Variants in DOCK9 observed in about 807,000 individuals in gnomAD.
DOCK9 encodes the protein dedicator of cytokinesis 9, also known as dedicator of cytokinesis protein 9.
A neutral mutation model predicts 263.3 loss-of-function variants in DOCK9; 89 were observed. That is an observed-to-expected ratio of 0.34 (90% CI 0.28 to 0.40). The LOEUF (loss-of-function observed/expected upper bound fraction) is 0.40. DOCK9 is among the 10% of genes least tolerant of loss of function. The pLI is 1.00. For synonymous variants in DOCK9, 976 were observed against 973.1 expected, an observed-to-expected ratio of 1.00 and a Z score of -0.06; for missense variants, 2,140 against 2,603.4, an observed-to-expected ratio of 0.82 and a Z score of 3.87.
intron 1 of DOCK9, among the ~76,000 whole-genome samples, chr13:99,056,893 A>G (rs1284580533): frequency 1.3e-5 from 2 of 152,206 alleles, no homozygotes; most frequent in Non-Finnish European, 2.9e-5. Flanking sequence ...CGGGGATCCG[A>G]GAAGCCACAT....
chr13:98,818,029 T>G (rs2092015140), intron 45 of DOCK9, among the ~76,000 whole-genome samples: 1 of 152,232 alleles, frequency 6.6e-6, no homozygotes, highest in Non-Finnish European at 1.5e-5. Flanking sequence ...TCACTTATTA[T>G]TATAAATAAA....
intron 39 of DOCK9, 92 bp downstream of exon 39, chr13:98,837,402 T>C: frequency 1.2e-6 from 1 of 806,796 alleles, no homozygotes; most frequent in Non-Finnish European, 2.1e-6. Context: ...GAAGTAAAAA[T>C]GCAACATAGT....
At chr13:99,001,553 C>T (rs1204674448) in intron 1 of DOCK9, among the ~76,000 whole-genome samples, 1 of 152,180 alleles carries the variant, frequency 6.6e-6, no homozygotes, top group East Asian at 1.9e-4. Flanking sequence ...GAAGGCACGC[C>T]TTAGGTGTAT....
At chr13:99,011,437 C>T (rs976159223) in intron 1 of DOCK9, among the ~76,000 whole-genome samples, 2 of 152,142 alleles carry the variant, frequency 1.3e-5, no homozygotes, top group African/African-American at 2.4e-5. Context: ...TAACTGATGA[C>T]TTGGCTGGGA....
intron 2 of DOCK9, among the ~76,000 whole-genome samples, chr13:98,931,751 C>T (rs1340528321): frequency 2.0e-5 from 3 of 152,098 alleles, no homozygotes; most frequent in African/African-American, 7.2e-5. Context: ...GCGGGCGCCA[C>T]CACACCCGCC....
intron 1 of DOCK9, among the ~76,000 whole-genome samples, chr13:99,084,305 T>C (rs151310457): frequency 0.014 from 2,173 of 152,306 alleles, 41 homozygotes; most frequent in Non-Finnish European, 0.018. Flanking sequence ...ACCATCACAA[T>C]GCATTTCCTA....
intron 1 of DOCK9, among the ~76,000 whole-genome samples, chr13:99,033,756 C>T (rs1173054096): frequency 6.6e-6 from 1 of 152,226 alleles, no homozygotes; most frequent in Non-Finnish European, 1.5e-5. Flanking sequence ...ACTAGGACTT[C>T]TACTCTCACA....
Position 98,955,621 on chromosome 13 carries a change from A to G in DOCK9, c.127-70T>C, listed in dbSNP as rs982908106. 2.3e-5 allele frequency: 24 copies of G among 1,025,494 alleles called. No homozygotes were observed. The African/African-American group carries it at 3.8e-4, about 16-fold the overall frequency. 63.5% of individuals were successfully genotyped at this position (1,025,494 alleles called of 1,614,324 possible). On this transcript the variant is annotated intron_variant, in intron 1 of 52. Transcript: ENST00000682017. ...CATTTCTTAAGATAAAGAACTTAGTATGTTCTACTCTATGTTTTGTATTTT... is the reference window on the plus strand; with the variant it reads ...CATTTCTTAAGATAAAGAACTTAGTGTGTTCTACTCTATGTTTTGTATTTT...
At chr13:99,062,352 C>T (rs539969453) in intron 1 of DOCK9, among the ~76,000 whole-genome samples, 1 of 152,280 alleles carries the variant, frequency 6.6e-6, no homozygotes, top group East Asian at 1.9e-4. Flanking sequence ...CCCAAGCAAA[C>T]TTCGAATGAC....
intron 9 of DOCK9, among the ~76,000 whole-genome samples, chr13:98,910,970 C>A (rs61348713): frequency 6.6e-6 from 1 of 152,090 alleles, no homozygotes; most frequent in Non-Finnish European, 1.5e-5. Flanking sequence ...CCTTCTCAAC[C>A]GGTGCAAATA....
chr13:99,082,533 T>TAATA (rs377382167), intron 1 of DOCK9, among the ~76,000 whole-genome samples: 7,796 of 101,388 alleles, frequency 0.077, 284 homozygotes, highest in Admixed American at 0.16. Flanking sequence ...AAAATAATAA[T>TAATA]AATAAATAAA....
intron 9 of DOCK9, among the ~76,000 whole-genome samples, chr13:98,909,834 C>T (rs9584969): frequency 0.12 from 18,822 of 152,194 alleles, 1,286 homozygotes; most frequent in South Asian, 0.25. Flanking sequence ...CTGAGCATGG[C>T]CCTTGATCCT....
chr13:98,863,747 T>A (rs144321521), intron 30 of DOCK9, among the ~76,000 whole-genome samples, 199 bp from the exon 31 acceptor site: 1 of 152,322 alleles, frequency 6.6e-6, no homozygotes, highest in Non-Finnish European at 1.5e-5. Flanking sequence ...CACAGGAGGA[T>A]CTTAAATGAA....
chr13:98,877,809 T>C (rs1262427462), intron 27 of DOCK9, among the ~76,000 whole-genome samples: 4 of 152,138 alleles, frequency 2.6e-5, no homozygotes, highest in Admixed American at 6.5e-5. Flanking sequence ...ACCTCAAACA[T>C]AGTAGGGGCT....
At chr13:99,077,336 T>C (rs2041949771) in intron 1 of DOCK9, among the ~76,000 whole-genome samples, 1 of 152,166 alleles carries the variant, frequency 6.6e-6, no homozygotes, top group Admixed American at 6.5e-5. Context: ...CCCCTTACTG[T>C]TCTCATGATA....
chr13:98,953,598 T>G (rs918691794), intron 2 of DOCK9, among the ~76,000 whole-genome samples: 1 of 152,240 alleles, frequency 6.6e-6, no homozygotes, highest in African/African-American at 2.4e-5. Context: ...GAAGAACACA[T>G]ACTTCATGTT....
intron 38 of DOCK9, among the ~76,000 whole-genome samples, chr13:98,842,017 T>C (rs1439999055): frequency 6.7e-6 from 1 of 149,570 alleles, no homozygotes; most frequent in East Asian, 1.9e-4. Flanking sequence ...AAAGATATAT[T>C]ATCCATGCTT....
chr13:99,000,735 C>T (rs1336128977), intron 1 of DOCK9, among the ~76,000 whole-genome samples: 2 of 152,200 alleles, frequency 1.3e-5, no homozygotes, highest in Non-Finnish European at 2.9e-5. Context: ...TCCAGTGCCA[C>T]CCTCAGTTAA....
intron 47 of DOCK9, 151 bp downstream of exon 47, chr13:98,809,201 A>C: frequency 1.5e-6 from 2 of 1,293,134 alleles, no homozygotes; most frequent in South Asian, 1.4e-5. Context: ...GAAGATAAGA[A>C]TCATACTAAA....
Sources: gnomAD v4.1 joint callset for allele counts (sites outside exome capture counted in the v4.1 genomes callset) on GRCh38, gnomAD v4.1.1 for gene constraint, MANE v1.5 for transcripts, NCBI Gene and HGNC (gene_info 2026-07-23, HGNC 2026-07-21) for gene names.